TRPC5: variants seen among roughly 807,000 people sequenced by gnomAD.
The protein encoded by TRPC5 is short transient receptor potential channel 5.
TRPC5 carries 9 observed loss-of-function variants against 56.5 expected under a neutral mutation model. That is an observed-to-expected ratio of 0.16 (90% CI 0.10 to 0.28). The LOEUF is 0.28. TRPC5 is among the 10% of genes least tolerant of loss of function. The pLI is 1.00. For synonymous variants in TRPC5, 282 were observed against 278.5 expected (o/e 1.01, Z -0.13); for missense variants, 469 against 748.9 (o/e 0.63, Z 4.36).
At chrX:111,906,378 G>T (rs747690362) in intron 3 of TRPC5, among the ~76,000 whole-genome samples, 2 of 109,983 alleles carry the variant, frequency 1.8e-5, no homozygotes, top group Non-Finnish European at 1.9e-5. Flanking sequence ...CAAAAAAAAG[G>T]TGTCATTAAC....
At chrX:112,076,477 A>G (rs1194001767) in intron 1 of TRPC5, among the ~76,000 whole-genome samples, 2 of 111,510 alleles carry the variant, frequency 1.8e-5, no homozygotes, top group South Asian at 3.8e-4. Flanking sequence ...TAGCTATAGT[A>G]TATACCTAAG....
chrX:111,992,588 CATTATTATT>C (rs534660293), intron 1 of TRPC5, among the ~76,000 whole-genome samples: 11 of 104,968 alleles, frequency 1.0e-4, no homozygotes, highest in Admixed American at 2.1e-4. Flanking sequence ...TTTTTTAAAA[CATTATTATT>C]ATTATTATTA....
chrX:112,006,799 A>G (rs904973546), intron 1 of TRPC5, among the ~76,000 whole-genome samples: 1 of 112,101 alleles, frequency 8.9e-6, no homozygotes, highest in African/African-American at 3.3e-5. Flanking sequence ...AACTCTGGCA[A>G]TAAACACTAT....
At chrX:111,812,489 C>A (rs912264537) in intron 7 of TRPC5, among the ~76,000 whole-genome samples, 2 of 112,197 alleles carry the variant, frequency 1.8e-5, no homozygotes, top group African/African-American at 6.5e-5. Context: ...TCTAAACAGT[C>A]TTTTTCCATT....
At chrX:112,066,478 A>G (rs975200319) in intron 1 of TRPC5, among the ~76,000 whole-genome samples, 52 of 112,076 alleles carry the variant, frequency 4.6e-4, no homozygotes, top group African/African-American at 1.7e-3. Context: ...TCAAATATCA[A>G]CAGAACATGG....
chrX:112,056,227 C>T (rs978090546), intron 1 of TRPC5, among the ~76,000 whole-genome samples: 2 of 111,771 alleles, frequency 1.8e-5, no homozygotes, highest in Admixed American at 9.5e-5. Flanking sequence ...TCATGCAGTG[C>T]GTGGCCTGCA....
intron 3 of TRPC5, chrX:111,902,764 G>A (rs1426959598): frequency 8.9e-6 from 1 of 112,114 alleles, no homozygotes; most frequent in Non-Finnish European, 1.9e-5. Context: ...TAATAAAAGT[G>A]AAGAAAGGTT....
intron 2 of TRPC5, among the ~76,000 whole-genome samples, chrX:111,950,912 T>C (rs1434864816): frequency 8.9e-6 from 1 of 112,329 alleles, no homozygotes; most frequent in Non-Finnish European, 1.9e-5. Context: ...CATTTTCTCC[T>C]ATTAATCTGC....
intron 7 of TRPC5, among the ~76,000 whole-genome samples, chrX:111,807,952 C>G (rs867832804): frequency 6.1e-5 from 5 of 82,239 alleles, no homozygotes; most frequent in African/African-American, 1.1e-4. Flanking sequence ...CTCTCTCTCT[C>G]TCTCTGTGTG....
intron 1 of TRPC5, among the ~76,000 whole-genome samples, chrX:112,049,930 C>G (rs1460403794): frequency 9.0e-6 from 1 of 111,352 alleles, no homozygotes; most frequent in Admixed American, 9.5e-5. Context: ...AATGCCAGCA[C>G]TTTGGGAGGC....
At chrX:111,919,770 A>C (rs1186380361) in intron 2 of TRPC5, among the ~76,000 whole-genome samples, 14 of 111,936 alleles carry the variant, frequency 1.3e-4, no homozygotes. Context: ...CCACACATAA[A>C]ATACACTAAC....
rs1929398859 is a variant in TRPC5 at position 112,025,821 on chromosome X, A to T, written c.-22+56058T>A. On this transcript the variant is annotated intron_variant, in intron 1 of 10. Transcript: ENST00000262839. ...AATAAAGCCATAGTCCCACAGATAT[A>T]CCCCCTTTCTCACTCCCCATCCACT... Among the ~76,000 whole-genome samples the T allele has an allele frequency of 2.7e-5, 3 of 110,377 alleles. No individual in the cohort carries two copies. The South Asian group carries it at 1.2e-3, about 43-fold the overall frequency.
At chrX:111,803,825 CT>C (rs1395199012) in intron 7 of TRPC5, among the ~76,000 whole-genome samples, 1 of 111,801 alleles carries the variant, frequency 8.9e-6, no homozygotes, top group Non-Finnish European at 1.9e-5. Flanking sequence ...ATGATAGTTT[CT>C]TTTGCTGTGC....
At chrX:111,878,234 A>G (rs1166581564) in intron 3 of TRPC5, among the ~76,000 whole-genome samples, 1 of 111,003 alleles carries the variant, frequency 9.0e-6, no homozygotes, top group Non-Finnish European at 1.9e-5. Context: ...AAATACAATT[A>G]TGTCAATTAA....
chrX:111,912,144 C>G (rs1481841352), intron 3 of TRPC5, 147 bp downstream of exon 3: 7 of 603,852 alleles, frequency 1.2e-5, no homozygotes, highest in Non-Finnish European at 1.7e-5. Flanking sequence ...GTTGTCTGTG[C>G]CTCGGATAAA....
intron 3 of TRPC5, among the ~76,000 whole-genome samples, chrX:111,859,305 G>A (rs1255758655): frequency 4.5e-5 from 5 of 111,910 alleles, no homozygotes; most frequent in African/African-American, 1.6e-4. Context: ...AAAACATTAG[G>A]CAAGACTAGA....
Position 111,894,162 on chromosome X carries a change from C to T in TRPC5, c.900+18129G>A, listed in dbSNP as rs183881185. 3.4e-3 allele frequency among the ~76,000 whole-genome samples: 382 copies of T among 111,420 alleles called. 2 individuals carry two copies. Among genetic ancestry groups the T allele is most frequent in the African/African-American group, 0.012 (373 of 30,755 alleles). On this transcript the variant is annotated intron_variant, in intron 3 of 10. Coordinates refer to ENST00000262839, the MANE Select transcript of TRPC5 (RefSeq NM_012471.3). ...CATTTTAATCTTTCCCACATAACTG[C>T]CTCTGTTCTCCTTGGATATGAACTA... is the stretch of plus-strand genomic sequence containing the variant.
At chrX:111,806,250 C>A (rs1000047008) in intron 7 of TRPC5, among the ~76,000 whole-genome samples, 1 of 111,729 alleles carries the variant, frequency 9.0e-6, no homozygotes, top group Admixed American at 9.5e-5. Flanking sequence ...CATTTATTAT[C>A]CCAGTTTCTG....
chrX:111,900,973 G>A (rs749156463), intron 3 of TRPC5, among the ~76,000 whole-genome samples: 10 of 111,309 alleles, frequency 9.0e-5, no homozygotes, highest in African/African-American at 2.9e-4. Context: ...ACACGCAGAT[G>A]AAAATAGTAC....
Sources: allele counts gnomAD v4.1 joint callset (sites outside exome capture counted in the v4.1 genomes callset), GRCh38; gene constraint gnomAD v4.1.1; transcripts MANE v1.5; gene names NCBI Gene and HGNC (gene_info 2026-07-23, HGNC 2026-07-21).